Variants in ADGRG7 observed in about 807,000 individuals in gnomAD.
ADGRG7 encodes the protein G-protein coupled receptor 128.
A neutral mutation model predicts 88.6 loss-of-function variants in ADGRG7; 82 were observed. The ratio of observed to expected loss-of-function variants is 0.93; its 90% CI spans 0.77 to 1.11. The LOEUF (loss-of-function observed/expected upper bound fraction) is 1.11. Ranked by LOEUF, ADGRG7 falls within the 50% of genes most tolerant of loss-of-function variation. ADGRG7 has a pLI of 0.00. For synonymous variants in ADGRG7, 381 were observed against 345.2 expected (o/e 1.10, Z -1.15); for missense variants, 945 against 953.4 (o/e 0.99, Z 0.12).
At chr3:100,641,286 C>T (rs1182143034) in intron 6 of ADGRG7, among the ~76,000 whole-genome samples, 2 of 151,556 alleles carry the variant, frequency 1.3e-5, no homozygotes, top group Non-Finnish European at 2.9e-5. Flanking sequence ...AGAGTTTTAA[C>T]GTCTTTCTAT....
chr3:100,629,790 A>G, intron 2 of ADGRG7, 79 bp downstream of exon 2: 1 of 913,190 alleles, frequency 1.1e-6, no homozygotes, highest in Non-Finnish European at 1.8e-6. Context: ...AAGCTTCTAG[A>G]AGCTTCAGTT....
At chr3:100,654,061 TG>T (rs2149028993) in intron 11 of ADGRG7, 1 of 152,286 alleles carries the variant, frequency 6.6e-6, no homozygotes, top group African/African-American at 2.4e-5. Flanking sequence ...CCGTGCAGAT[TG>T]AATCCACGGA....
chr3:100,686,852 G>T (rs4928078), intron 15 of ADGRG7, among the ~76,000 whole-genome samples: 1 of 151,678 alleles, frequency 6.6e-6, no homozygotes, highest in Non-Finnish European at 1.5e-5. Flanking sequence ...TTGACTTGGC[G>T]ATGCGGGCTC....
intron 1 of ADGRG7, among the ~76,000 whole-genome samples, chr3:100,620,449 A>G (rs1707295096): frequency 6.6e-6 from 1 of 152,334 alleles, no homozygotes; most frequent in African/African-American, 2.4e-5. Flanking sequence ...CACAGCTAAC[A>G]TCATACTGAA....
chr3:100,667,841 A>G (rs1324562067), intron 14 of ADGRG7, among the ~76,000 whole-genome samples: 1 of 152,176 alleles, frequency 6.6e-6, no homozygotes, highest in Non-Finnish European at 1.5e-5. Flanking sequence ...AAGAAAAAAA[A>G]AAAAGAGCTC....
chr3:100,681,364 G>A (rs2094973155), intron 15 of ADGRG7, among the ~76,000 whole-genome samples: 1 of 150,108 alleles, frequency 6.7e-6, no homozygotes, highest in Non-Finnish European at 1.5e-5. Flanking sequence ...AGGCTGGAGT[G>A]AAGTGGCATG....
At chr3:100,658,332 C>T (rs539304335) in intron 13 of ADGRG7, among the ~76,000 whole-genome samples, 14 of 152,260 alleles carry the variant, frequency 9.2e-5, no homozygotes, top group Non-Finnish European at 1.8e-4. Flanking sequence ...AAAGTAATTG[C>T]AGTTTTTGCC....
intron 14 of ADGRG7, among the ~76,000 whole-genome samples, chr3:100,666,435 G>A (rs2094951842): frequency 6.6e-6 from 1 of 152,162 alleles, no homozygotes; most frequent in African/African-American, 2.4e-5. Flanking sequence ...CAAGGTAAAG[G>A]ATTAAGTGCT....
intron 1 of ADGRG7, among the ~76,000 whole-genome samples, chr3:100,626,258 T>C (rs952456297): frequency 2.6e-5 from 4 of 152,206 alleles, no homozygotes; most frequent in Admixed American, 2.6e-4. Context: ...TGTCCAGGAA[T>C]TTATCCATTT....
chr3:100,613,297 C>A (rs1223593412), intron 1 of ADGRG7, among the ~76,000 whole-genome samples: 1 of 152,168 alleles, frequency 6.6e-6, no homozygotes, highest in Non-Finnish European at 1.5e-5. Flanking sequence ...TAATTTCACT[C>A]ATTTACAGTA....
intron 15 of ADGRG7, among the ~76,000 whole-genome samples, chr3:100,692,446 A>T (rs1467331550): frequency 6.6e-6 from 1 of 152,232 alleles, no homozygotes. Flanking sequence ...ATCTGAATGA[A>T]GGCACAGTCA....
intron 15 of ADGRG7, among the ~76,000 whole-genome samples, chr3:100,687,898 A>G (rs1242146849): frequency 6.6e-6 from 1 of 152,138 alleles, no homozygotes; most frequent in African/African-American, 2.4e-5. Context: ...TCATAAAATG[A>G]GTTAGGGAGG....
At chr3:100,643,209 A>G in intron 6 of ADGRG7, 57 bp from the exon 7 acceptor site, 2 of 1,511,666 alleles carry the variant, frequency 1.3e-6, no homozygotes, top group South Asian at 1.2e-5. Context: ...GACAGAACAC[A>G]TACCTTTCAT....
At chr3:100,642,128 C>T (rs1196341759) in intron 6 of ADGRG7, among the ~76,000 whole-genome samples, 1 of 152,240 alleles carries the variant, frequency 6.6e-6, no homozygotes, top group Admixed American at 6.5e-5. Flanking sequence ...TCTACCACAT[C>T]TTTCCTTTTA....
chr3:100,650,388 G>T (rs9851790), intron 11 of ADGRG7, among the ~76,000 whole-genome samples: 3 of 151,764 alleles, frequency 2.0e-5, no homozygotes, highest in African/African-American at 4.8e-5. Context: ...AACTGCCTGC[G>T]GTCTTTTAGA....
At chr3:100,692,584 A>G (rs1477516355) in intron 15 of ADGRG7, among the ~76,000 whole-genome samples, 1 of 152,234 alleles carries the variant, frequency 6.6e-6, no homozygotes, top group African/African-American at 2.4e-5. Flanking sequence ...GGTAAAATTG[A>G]GTATCGCAAT....
chr3:100,666,371 A>G (rs2094951740), intron 14 of ADGRG7, among the ~76,000 whole-genome samples: 1 of 152,174 alleles, frequency 6.6e-6, no homozygotes, highest in Admixed American at 6.5e-5. Context: ...ACAAGATAAT[A>G]GTGGGGAGAG....
At position 100,649,658 on chromosome 3, in the gene ADGRG7, G is replaced by A. The variant is rs374515698; in HGVS notation, c.1267-37G>A. The A allele has an allele frequency of 1.3e-5, 15 of 1,119,478 alleles. No homozygotes were observed. The African/African-American group carries it at 2.0e-4, about 15-fold the overall frequency. The allele number at this position is 1,119,478 out of a possible 1,614,324, so 69.3% of individuals were successfully genotyped here. A position where few individuals can be genotyped will look rare whatever the true frequency, so the allele number is the denominator to read the frequency against. Reference sequence around the variant, plus strand: ...TGACTTTCATTAACACTTCAGGGATGACTAATTAAAAATATGAGTCTTACC... The same window carrying A: ...TGACTTTCATTAACACTTCAGGGATAACTAATTAAAAATATGAGTCTTACC... On this transcript the variant is annotated intron_variant, in intron 10 of 15. Transcript: ENST00000273352.
rs2094963309 is a variant in ADGRG7, at chr3:100,675,045, G to T, written c.2136+5940G>T. On this transcript the variant is annotated intron_variant, in intron 15 of 15. Transcript: ENST00000273352. ...TAAGATCATATCATCTGCAAACGAG[G>T]ATAATTTGATTTCTTCCTTTCCAAT... Among the ~76,000 whole-genome samples, 3 of 152,084 alleles carry T rather than the reference G, an allele frequency of 2.0e-5. No individual in the cohort carries two copies. In the South Asian group the frequency reaches 6.2e-4, roughly 32 times the overall value.
Sources: allele counts gnomAD v4.1 joint callset (sites outside exome capture counted in the v4.1 genomes callset), GRCh38; gene constraint gnomAD v4.1.1; transcripts MANE v1.5; gene names NCBI Gene and HGNC (gene_info 2026-07-23, HGNC 2026-07-21).